Variants in RARB observed in about 807,000 individuals in gnomAD.
RARB encodes HBV-activated protein.
Under a neutral mutation model 51.9 loss-of-function variants are expected in RARB, and 17 were observed. That is an observed-to-expected ratio of 0.33 (90% CI 0.22 to 0.49). The LOEUF (loss-of-function observed/expected upper bound fraction) is 0.49. Among genes scored for constraint, RARB ranks in the 20% least tolerant of loss-of-function variants. The pLI, the probability that RARB is intolerant of heterozygous loss-of-function variation, is 0.99. For synonymous variants in RARB, 215 were observed against 195.4 expected, an observed-to-expected ratio of 1.10 and a Z score of -0.84; for missense variants, 369 against 550.8, an observed-to-expected ratio of 0.67 and a Z score of 3.30.
intron 3 of RARB, among the ~76,000 whole-genome samples, chr3:25,503,207 C>G (rs1697405209): frequency 6.6e-6 from 1 of 152,208 alleles, no homozygotes; most frequent in Non-Finnish European, 1.5e-5. Flanking sequence ...GGCTCAGGCT[C>G]TAAATCCTTC....
intron 5 of RARB, among the ~76,000 whole-genome samples, chr3:25,329,384 C>T (rs1704824105): frequency 6.6e-6 from 1 of 152,050 alleles, no homozygotes; most frequent in Non-Finnish European, 1.5e-5. Context: ...CTGGTGATAC[C>T]CAGGCAAAAA....
Position 25,500,726 on chromosome 3 carries a change from G to C in RARB, c.307-456G>C, listed in dbSNP as rs559133925. Among the ~76,000 whole-genome samples, 9 of 152,074 alleles carry C rather than the reference G, an allele frequency of 5.9e-5. No individual in the cohort carries two copies. The East Asian group carries it at 1.5e-3, about 26-fold the overall frequency. On this transcript the variant is annotated intron_variant, in intron 2 of 7. Coordinates refer to ENST00000330688, the MANE Select transcript of RARB (RefSeq NM_000965.5). ...ACTCCTTACCTCAAATGATCCTCCT[G>C]CCTCAGCCTCCCAAAGTGCTGGGAT...
At chr3:25,344,792 TA>T (rs1263407704) in intron 5 of RARB, among the ~76,000 whole-genome samples, 5 of 152,232 alleles carry the variant, frequency 3.3e-5, no homozygotes, top group African/African-American at 1.2e-4. Context: ...TATATAACTA[TA>T]AAAGCTTTTT....
chr3:25,020,087 A>T (rs1697595981), intron 2 of RARB: 1 of 150,602 alleles, frequency 6.6e-6, no homozygotes, highest in Non-Finnish European at 1.5e-5. Context: ...AAAGGTACAG[A>T]TGTATACTCA....
intron 3 of RARB, among the ~76,000 whole-genome samples, chr3:25,076,600 T>C (rs1255288801): frequency 6.6e-6 from 1 of 152,178 alleles, no homozygotes; most frequent in Non-Finnish European, 1.5e-5. Context: ...GTAGCTCCAC[T>C]TTTGAAGAGT....
intron 3 of RARB, among the ~76,000 whole-genome samples, chr3:25,541,406 A>T (rs568440008): frequency 6.6e-6 from 1 of 152,094 alleles, no homozygotes; most frequent in Admixed American, 6.5e-5. Flanking sequence ...GTAATCATGC[A>T]TGAGGACACA....
At chr3:25,251,143 A>T (rs1008773269) in intron 5 of RARB, among the ~76,000 whole-genome samples, 4 of 152,116 alleles carry the variant, frequency 2.6e-5, no homozygotes, top group Admixed American at 1.3e-4. Flanking sequence ...TGCATTCTTG[A>T]CTGGCTTCTT....
At chr3:25,481,565 G>T (rs374285403) in intron 2 of RARB, among the ~76,000 whole-genome samples, 10 of 152,194 alleles carry the variant, frequency 6.6e-5, no homozygotes, top group East Asian at 3.9e-4. Flanking sequence ...TGCAGAGCCT[G>T]TCTGTTATGG....
intron 2 of RARB, among the ~76,000 whole-genome samples, chr3:24,954,274 C>T (rs56397709): frequency 0.12 from 17,735 of 152,122 alleles, 1,499 homozygotes; most frequent in African/African-American, 0.24. Flanking sequence ...GAAAAACCCA[C>T]CTCAAAATTC....
intron 2 of RARB, among the ~76,000 whole-genome samples, chr3:24,875,398 G>T (rs1313917713): frequency 6.6e-6 from 1 of 152,070 alleles, no homozygotes; most frequent in African/African-American, 2.4e-5. Flanking sequence ...GGATTGCCTG[G>T]CAACTTGTGA....
intron 1 of RARB, among the ~76,000 whole-genome samples, chr3:25,441,703 A>G (rs1411107515): frequency 6.6e-6 from 1 of 152,084 alleles, no homozygotes; most frequent in Non-Finnish European, 1.5e-5. Flanking sequence ...ACACCTGGAT[A>G]CCTACTGCCA....
chr3:25,383,696 G>A (rs1353181639), intron 5 of RARB, among the ~76,000 whole-genome samples: 2 of 152,176 alleles, frequency 1.3e-5, no homozygotes, highest in African/African-American at 4.8e-5. Flanking sequence ...GGGAGGCCGA[G>A]GCGAGCGGAT....
rs138340463 is a variant in RARB, at chr3:24,998,247, G to A, written c.-379-61878G>A. 4.5e-3 allele frequency among the ~76,000 whole-genome samples: 670 copies of A among 149,804 alleles called. 1 individual carries two copies. Among genetic ancestry groups the A allele is most frequent in the African/African-American group, 0.016 (652 of 41,020 alleles). On this transcript the variant is annotated intron_variant, in intron 2 of 11. Coordinates refer to the RARB transcript ENST00000383772. ...CCCTTTGGCTGCTCTTACCTCTCAT[G>A]GTGGTTCACGGCCTTTTGACTTGTA...
At chr3:25,477,651 C>A (rs1289936028) in intron 2 of RARB, among the ~76,000 whole-genome samples, 1 of 152,062 alleles carries the variant, frequency 6.6e-6, no homozygotes, top group Non-Finnish European at 1.5e-5. Flanking sequence ...GAGTGGAATC[C>A]CTTCTCCCTT....
rs116344275 is a variant in RARB at position 24,991,578 on chromosome 3, C to T, written c.-379-68547C>T. Among the ~76,000 whole-genome samples, 169 of 152,098 alleles carry T rather than the reference C, an allele frequency of 1.1e-3. 1 individual carries two copies. The highest frequency in any genetic ancestry group is 3.4e-3 in the African/African-American group (139 of 41,490). Reference sequence around the variant, plus strand: ...AATGTTCAATAGAATATTGATCTTTCGGCATCCTTGTAGTTAGTTTTCCTG... The same window carrying T: ...AATGTTCAATAGAATATTGATCTTTTGGCATCCTTGTAGTTAGTTTTCCTG... On this transcript the variant is annotated intron_variant, in intron 2 of 11. Coordinates refer to the RARB transcript ENST00000383772.
chr3:25,246,854 G>A (rs566865167), intron 5 of RARB, among the ~76,000 whole-genome samples: 1 of 152,286 alleles, frequency 6.6e-6, no homozygotes, highest in South Asian at 2.1e-4. Flanking sequence ...GCCCTGTGCT[G>A]GGAGATCCAC....
At chr3:25,415,096 C>T (rs995887881) in intron 5 of RARB, among the ~76,000 whole-genome samples, 1 of 152,308 alleles carries the variant, frequency 6.6e-6, no homozygotes, top group African/African-American at 2.4e-5. Context: ...CCTGCCTCGG[C>T]CTCCCAAAGT....
At chr3:25,080,057 C>G (rs1328284433) in intron 3 of RARB, among the ~76,000 whole-genome samples, 1 of 152,122 alleles carries the variant, frequency 6.6e-6, no homozygotes, top group Non-Finnish European at 1.5e-5. Flanking sequence ...TTCATCACCC[C>G]AAACAAACTC....
At chr3:25,123,254 T>C (rs979169831) in intron 3 of RARB, among the ~76,000 whole-genome samples, 4 of 152,240 alleles carry the variant, frequency 2.6e-5, no homozygotes, top group African/African-American at 9.6e-5. Context: ...TTGGGAAGTG[T>C]GTTTCACAGT....
Sources: allele counts gnomAD v4.1 joint callset (sites outside exome capture counted in the v4.1 genomes callset), GRCh38; gene constraint gnomAD v4.1.1; transcripts MANE v1.5; gene names NCBI Gene and HGNC (gene_info 2026-07-23, HGNC 2026-07-21).